Variants in COL24A1 observed in about 807,000 individuals in gnomAD.
COL24A1 encodes the protein collagen alpha-1(XXIV) chain.
In COL24A1, 224 loss-of-function variants were observed where a neutral mutation model predicts 253.9. The ratio of observed to expected loss-of-function variants is 0.88; its 90% CI spans 0.79 to 0.99. The LOEUF is 0.99. Ranked by LOEUF, COL24A1 falls within the 50% of genes least tolerant of loss-of-function variation. The pLI, the probability that COL24A1 is intolerant of heterozygous loss-of-function variation, is 0.00. For missense variants in COL24A1, 2,131 were observed against 2,068.5 expected, an observed-to-expected ratio of 1.03 and a Z score of -0.59; for synonymous variants, 685 against 673.7, an observed-to-expected ratio of 1.02 and a Z score of -0.26.
At chr1:85,986,856 A>G (rs1164913108) in intron 20 of COL24A1, among the ~76,000 whole-genome samples, 4 of 151,712 alleles carry the variant, frequency 2.6e-5, no homozygotes, top group Non-Finnish European at 5.9e-5. Flanking sequence ...AATTCTCCCA[A>G]CTTCAGGCTA....
At chr1:86,109,217 C>T (rs1348365692) in intron 5 of COL24A1, among the ~76,000 whole-genome samples, 1 of 152,144 alleles carries the variant, frequency 6.6e-6, no homozygotes, top group Non-Finnish European at 1.5e-5. Flanking sequence ...TCTTTAGAAG[C>T]CATCTATCTT....
chr1:86,133,295 A>G (rs532253416), intron 2 of COL24A1, among the ~76,000 whole-genome samples: 1 of 152,236 alleles, frequency 6.6e-6, no homozygotes, highest in East Asian at 1.9e-4. Context: ...TGTCATCTGC[A>G]AACAGGGACA....
chr1:86,150,428 C>T (rs1652592954), intron 1 of COL24A1, among the ~76,000 whole-genome samples: 1 of 152,120 alleles, frequency 6.6e-6, no homozygotes, highest in African/African-American at 2.4e-5. Context: ...GAGGAATTCA[C>T]TTTTTCCTTA....
Position 86,134,865 on chromosome 1 carries a change from C to A in COL24A1, c.122-8651G>T, listed in dbSNP as rs527452954. Among the ~76,000 whole-genome samples, 178 of 125,152 alleles carry A rather than the reference C, an allele frequency of 1.4e-3. 5 individuals are homozygous for A. In the East Asian group the frequency reaches 0.02, roughly 14 times the overall value. The allele number at this position is 125,152 out of a possible 152,430, so 82.1% of individuals were successfully genotyped here. On this transcript the variant is annotated intron_variant, in intron 2 of 59. Coordinates refer to ENST00000370571, the MANE Select transcript of COL24A1 (RefSeq NM_152890.7). ...AGAGTTCTGTAGATGTCTATTAGGTCCACTTGGTGCAGAGCTGAGTTCAAT... is the reference window on the plus strand; with the variant it reads ...AGAGTTCTGTAGATGTCTATTAGGTACACTTGGTGCAGAGCTGAGTTCAAT...
intron 43 of COL24A1, among the ~76,000 whole-genome samples, chr1:85,826,909 C>A (rs1348928211): frequency 6.6e-6 from 1 of 152,120 alleles, no homozygotes; most frequent in Non-Finnish European, 1.5e-5. Context: ...TAACTGAATA[C>A]CCTTTATTTC....
At chr1:85,739,008 G>T (rs950687104) in intron 57 of COL24A1, among the ~76,000 whole-genome samples, 1 of 152,134 alleles carries the variant, frequency 6.6e-6, no homozygotes, top group African/African-American at 2.4e-5. Context: ...CTGGTCCAGG[G>T]ATCACATTTG....
chr1:86,109,372 C>T (rs980262939), intron 5 of COL24A1, among the ~76,000 whole-genome samples: 1 of 151,770 alleles, frequency 6.6e-6, no homozygotes, highest in Non-Finnish European at 1.5e-5. Context: ...GCTATTATTA[C>T]CTATTAATAA....
intron 57 of COL24A1, among the ~76,000 whole-genome samples, chr1:85,738,152 T>C (rs1001875723): frequency 2.6e-5 from 4 of 152,172 alleles, no homozygotes; most frequent in Non-Finnish European, 4.4e-5. Flanking sequence ...TTTAGTTACA[T>C]AGTTAACAAA....
At chr1:85,961,131 G>T in intron 24 of COL24A1, 118 bp downstream of exon 24, 1 of 747,586 alleles carries the variant, frequency 1.3e-6, no homozygotes, top group Non-Finnish European at 2.3e-6. Context: ...TAAATTTGTA[G>T]TGGATAAGAA....
intron 7 of COL24A1, among the ~76,000 whole-genome samples, chr1:86,078,007 C>T (rs1702377578): frequency 6.6e-6 from 1 of 151,954 alleles, no homozygotes; most frequent in African/African-American, 2.4e-5. Context: ...AAAAAGAAAA[C>T]TGCAGGCCAA....
At chr1:85,790,336 G>A (rs945687784) in intron 47 of COL24A1, among the ~76,000 whole-genome samples, 1 of 152,126 alleles carries the variant, frequency 6.6e-6, no homozygotes, top group Non-Finnish European at 1.5e-5. Context: ...CAGTTTATTT[G>A]CATAGAGGTG....
intron 9 of COL24A1, 104 bp from the exon 10 acceptor site, chr1:86,058,079 A>G (rs1700790675): frequency 8.1e-6 from 7 of 865,900 alleles, no homozygotes; most frequent in Non-Finnish European, 1.1e-5. Context: ...TTTCAAAACT[A>G]TAGAATTCAG....
At chr1:85,820,702 AG>A (rs1673532850) in intron 45 of COL24A1, among the ~76,000 whole-genome samples, 1 of 152,210 alleles carries the variant, frequency 6.6e-6, no homozygotes, top group Admixed American at 6.5e-5. Context: ...ATGGGGTTAA[AG>A]GCAGTCAATG....
rs141295488 is a variant in COL24A1 at position 86,003,861 on chromosome 1, G to A, written c.2310+13290C>T. ...ATTAGGCAAAGAGTATAAAGAGTTC[G>A]CCCTCACACATTAATGCCCACCAGG... On this transcript the variant is annotated intron_variant, in intron 19 of 59. Coordinates refer to ENST00000370571, the MANE Select transcript of COL24A1 (RefSeq NM_152890.7). 1.5e-4 allele frequency among the ~76,000 whole-genome samples: 23 copies of A among 152,182 alleles called. No individual in the cohort carries two copies. In the East Asian group the frequency reaches 1.7e-3, roughly 12 times the overall value.
intron 43 of COL24A1, among the ~76,000 whole-genome samples, chr1:85,825,372 C>T (rs908814117): frequency 1.3e-4 from 20 of 152,022 alleles, no homozygotes; most frequent in African/African-American, 3.6e-4. Flanking sequence ...TGAATAACGC[C>T]GCAATAAACG....
intron 2 of COL24A1, among the ~76,000 whole-genome samples, chr1:86,144,374 T>C (rs1444437484): frequency 6.6e-6 from 1 of 152,094 alleles, no homozygotes; most frequent in Admixed American, 6.6e-5. Context: ...AATAATATCT[T>C]TGGTAAATTA....
chr1:86,004,795 T>C (rs1463894544), intron 19 of COL24A1, among the ~76,000 whole-genome samples: 2 of 152,130 alleles, frequency 1.3e-5, no homozygotes, highest in Non-Finnish European at 2.9e-5. Flanking sequence ...AACTAAAAAT[T>C]ATGACTGCTA....
At chr1:85,765,893 T>C (rs192839425) in intron 53 of COL24A1, among the ~76,000 whole-genome samples, 1 of 152,346 alleles carries the variant, frequency 6.6e-6, no homozygotes, top group Non-Finnish European at 1.5e-5. Context: ...CTCTGAAATT[T>C]ACTCAGTTGT....
chr1:85,849,586 G>T (rs1056353087), intron 37 of COL24A1, among the ~76,000 whole-genome samples, 180 bp from the exon 38 acceptor site: 1 of 152,084 alleles, frequency 6.6e-6, no homozygotes, highest in Admixed American at 6.6e-5. Context: ...TAGAGGTGTA[G>T]CTGTTATTAG....
Sources: allele counts gnomAD v4.1 joint callset (sites outside exome capture counted in the v4.1 genomes callset), GRCh38; gene constraint gnomAD v4.1.1; transcripts MANE v1.5; gene names NCBI Gene and HGNC (gene_info 2026-07-23, HGNC 2026-07-21).